FGF12: variants seen among roughly 807,000 people sequenced by gnomAD.
The protein encoded by FGF12 is fibroblast growth factor 12.
Under a neutral mutation model 23.6 loss-of-function variants are expected in FGF12, and 14 were observed. The observed-to-expected ratio is 0.59, with a 90% CI of 0.39 to 0.93. FGF12 has a LOEUF of 0.93. FGF12 is among the 40% of genes least tolerant of loss of function. The pLI, the probability that FGF12 is intolerant of heterozygous loss-of-function variation, is 0.00. For synonymous variants in FGF12, 62 were observed against 77.3 expected (o/e 0.80, Z 1.04); for missense variants, 175 against 217.8 (o/e 0.80, Z 1.24).
intron 4 of FGF12, among the ~76,000 whole-genome samples, chr3:192,206,800 T>G (rs1717671426): frequency 6.6e-6 from 1 of 152,142 alleles, no homozygotes; most frequent in South Asian, 2.1e-4. Context: ...AGTTTAACAT[T>G]TTATTAAAAG....
At position 192,512,835 on chromosome 3, in the gene FGF12, A is replaced by AATAAATATAT. The variant is rs35779279; in HGVS notation, c.14-152298_14-152297insATATATTTAT. ...GTTAAACCTAGAGTATACTCAAATA[A>AATAAATATAT]ATATATATATATATATATATATATA... On this transcript the variant is annotated intron_variant, in intron 2 of 5. Transcript: ENST00000445105. 2.0e-4 allele frequency among the ~76,000 whole-genome samples: 15 copies of AATAAATATAT among 76,766 alleles called. 1 individual carries two copies. In the South Asian group the frequency reaches 6.0e-3, roughly 31 times the overall value. 50.4% of individuals were successfully genotyped at this position (76,766 alleles called of 152,430 possible).
chr3:192,595,863 G>A (rs1381412076), intron 2 of FGF12, among the ~76,000 whole-genome samples: 2 of 152,028 alleles, frequency 1.3e-5, no homozygotes, highest in Non-Finnish European at 2.9e-5. Flanking sequence ...GGGAGGCTGA[G>A]GTGGGTGGAT....
At chr3:192,237,858 T>A (rs1334313880) in intron 4 of FGF12, among the ~76,000 whole-genome samples, 1 of 152,204 alleles carries the variant, frequency 6.6e-6, no homozygotes, top group Non-Finnish European at 1.5e-5. Context: ...TAAGAACCAT[T>A]GCTGGGGAGC....
chr3:192,561,405 C>T (rs887685037), intron 2 of FGF12, among the ~76,000 whole-genome samples: 3 of 152,030 alleles, frequency 2.0e-5, no homozygotes, highest in Non-Finnish European at 2.9e-5. Flanking sequence ...CTCTTTCACC[C>T]AGGCTGGAGT....
At chr3:192,653,540 T>C (rs915833360) in intron 2 of FGF12, among the ~76,000 whole-genome samples, 7 of 152,202 alleles carry the variant, frequency 4.6e-5, no homozygotes, top group African/African-American at 1.7e-4. Flanking sequence ...TACAGAGTTT[T>C]GTAGCCTTCT....
chr3:192,638,362 T>C (rs955799963), intron 2 of FGF12, among the ~76,000 whole-genome samples: 3 of 152,232 alleles, frequency 2.0e-5, no homozygotes, highest in African/African-American at 7.2e-5. Flanking sequence ...TTCTTTCTTT[T>C]GATTCTTTTT....
At chr3:192,431,111 G>C (rs948249561) in intron 2 of FGF12, among the ~76,000 whole-genome samples, 5 of 152,112 alleles carry the variant, frequency 3.3e-5, no homozygotes, top group Admixed American at 6.6e-5. Context: ...GTTATCTTGA[G>C]AACTCCAACA....
rs577751358 is a variant in FGF12, at chr3:192,241,903, G to A, written c.229-71247C>T. On this transcript the variant is annotated intron_variant, in intron 4 of 5. Transcript: ENST00000445105. ...GTTACTTCAAATAACAAAACCAACT[G>A]TTCTTGAGTATATCTTCAATCAAAA... Among the ~76,000 whole-genome samples the A allele has an allele frequency of 3.0e-4, 45 of 152,038 alleles. 1 individual carries two copies. Among genetic ancestry groups the A allele is most frequent in the Non-Finnish European group, 5.1e-4 (35 of 68,010 alleles).
chr3:192,382,471 T>C (rs780831496), intron 2 of FGF12, among the ~76,000 whole-genome samples: 2 of 152,144 alleles, frequency 1.3e-5, no homozygotes, highest in Non-Finnish European at 2.9e-5. Flanking sequence ...ACCTTTGTCC[T>C]AGAATAATGG....
chr3:192,305,520 G>A lies in FGF12; in HGVS notation c.228+29841C>T, dbSNP rs111280891. On this transcript the variant is annotated intron_variant, in intron 4 of 5. Coordinates refer to ENST00000445105, the MANE Select transcript of FGF12 (RefSeq NM_004113.6). Reference sequence around the variant, plus strand: ...GCTCTCACGTCCTCAAACCATCGCCGTCTCTCTTCCAGACACACACCTCAG... The same window carrying A: ...GCTCTCACGTCCTCAAACCATCGCCATCTCTCTTCCAGACACACACCTCAG... 8.3e-3 allele frequency among the ~76,000 whole-genome samples: 1,255 copies of A among 151,720 alleles called. 9 individuals are homozygous for A. Among genetic ancestry groups the A allele is most frequent in the African/African-American group, 0.014 (574 of 41,378 alleles).
At chr3:192,650,196 C>A (rs1716166099) in intron 2 of FGF12, among the ~76,000 whole-genome samples, 1 of 152,128 alleles carries the variant, frequency 6.6e-6, no homozygotes, top group African/African-American at 2.4e-5. Context: ...CTCCTTTTTG[C>A]CTGCAGAATA....
Position 192,143,604 on chromosome 3 carries a change from C to T in FGF12, c.*405G>A. The T allele has an allele frequency of 6.4e-6, 1 of 155,576 alleles. No homozygotes were observed. Among genetic ancestry groups the T allele is most frequent in the African/African-American group, 2.4e-5 (1 of 41,528 alleles). 9.6% of individuals were successfully genotyped at this position (155,576 alleles called of 1,614,324 possible). ...ATCGCAGCATTATCATGAGTTTAAG[C>T]TATTGAGTATATAACATCAGTTTGT... On this transcript the variant is annotated 3_prime_UTR_variant, in exon 6 of 6. Transcript: ENST00000445105.
At position 192,153,892 on chromosome 3, in the gene FGF12, T is replaced by C. The variant is rs1265034567; in HGVS notation, c.428-9765A>G. Among the ~76,000 whole-genome samples the C allele has an allele frequency of 1.2e-4, 4 of 33,808 alleles. 1 individual carries two copies. The highest frequency in any genetic ancestry group is 2.4e-4 in the African/African-American group (2 of 8,314). 22.2% of individuals were successfully genotyped at this position (33,808 alleles called of 152,430 possible). On this transcript the variant is annotated intron_variant, in intron 5 of 5. Transcript: ENST00000445105. Reference sequence around the variant, plus strand: ...GCTAGATTGGGGAAGTTCTCCTGGATAATATCCTGCAGAGTGTCTTCCAAC... The same window carrying C: ...GCTAGATTGGGGAAGTTCTCCTGGACAATATCCTGCAGAGTGTCTTCCAAC...
chr3:192,416,919 G>A (rs1721375633), intron 2 of FGF12, among the ~76,000 whole-genome samples: 1 of 152,044 alleles, frequency 6.6e-6, no homozygotes, highest in Non-Finnish European at 1.5e-5. Flanking sequence ...GCAGGTATAA[G>A]ATAATGTATA....
intron 2 of FGF12, among the ~76,000 whole-genome samples, chr3:192,601,888 G>A (rs1451179950): frequency 2.0e-5 from 3 of 151,966 alleles, no homozygotes; most frequent in African/African-American, 7.3e-5. Context: ...AAAGAAGTCT[G>A]TACATATTCA....
At chr3:192,603,739 G>T (rs1714216204) in intron 2 of FGF12, among the ~76,000 whole-genome samples, 1 of 152,160 alleles carries the variant, frequency 6.6e-6, no homozygotes, top group Non-Finnish European at 1.5e-5. Flanking sequence ...GCAGAACAAA[G>T]ATCACATGCT....
chr3:192,369,774 A>C (rs1560088504), intron 2 of FGF12, among the ~76,000 whole-genome samples: 1 of 152,242 alleles, frequency 6.6e-6, no homozygotes, highest in Non-Finnish European at 1.5e-5. Context: ...TCCTGCCTTG[A>C]AGGCACCCAC....
chr3:192,526,137 C>G (rs543988408), intron 2 of FGF12, among the ~76,000 whole-genome samples: 1 of 152,276 alleles, frequency 6.6e-6, no homozygotes, highest in South Asian at 2.1e-4. Flanking sequence ...CTTAGACTAT[C>G]CTGCTTTCTT....
intron 2 of FGF12, among the ~76,000 whole-genome samples, chr3:192,464,459 C>A (rs146562867): frequency 6.7e-6 from 1 of 150,050 alleles, no homozygotes; most frequent in African/African-American, 2.5e-5. Context: ...GCTGTGAATG[C>A]CATTATTTCA....
Sources: allele counts gnomAD v4.1 joint callset (sites outside exome capture counted in the v4.1 genomes callset), GRCh38; gene constraint gnomAD v4.1.1; transcripts MANE v1.5; gene names NCBI Gene and HGNC (gene_info 2026-07-23, HGNC 2026-07-21).